The following PRR16 variants were observed in gnomAD, a reference collection of about 807,000 sequenced individuals.
PRR16 encodes the protein proline rich 16.
Under a neutral mutation model 18.2 loss-of-function variants are expected in PRR16, and 6 were observed. The ratio of observed to expected loss-of-function variants is 0.33; its 90% CI spans 0.18 to 0.65. The LOEUF (loss-of-function observed/expected upper bound fraction) is 0.65. PRR16 is among the 30% of genes least tolerant of loss of function. The probability of loss-of-function intolerance (pLI) is 0.74; values close to 1 mark genes in which losing one functional copy is unlikely to be tolerated. For synonymous variants in PRR16, 151 were observed against 147.8 expected (o/e 1.02, Z -0.16); for missense variants, 412 against 376.6 (o/e 1.09, Z -0.78).
chr5:120,693,570 T>A, the PRR16 span, among the ~76,000 whole-genome samples: 1 of 152,250 alleles, frequency 6.6e-6, no homozygotes, highest in Non-Finnish European at 1.5e-5. Flanking sequence ...TTATTCTACT[T>A]CATTCTTTGT....
chr5:120,516,988 T>C (rs1162952307), intron 1 of PRR16, among the ~76,000 whole-genome samples: 1 of 152,174 alleles, frequency 6.6e-6, no homozygotes, highest in Non-Finnish European at 1.5e-5. Flanking sequence ...ATTTCTATTG[T>C]TAGCAAATTC....
the PRR16 span, among the ~76,000 whole-genome samples, chr5:120,754,313 CAT>C: frequency 1.5e-3 from 51 of 33,680 alleles, 1 homozygote; most frequent in East Asian, 3.5e-3. Flanking sequence ...TAATATATAA[CAT>C]ATAAATATTA....
chr5:120,509,889 T>C (rs1273286019), intron 1 of PRR16, among the ~76,000 whole-genome samples: 1 of 152,118 alleles, frequency 6.6e-6, no homozygotes, highest in Non-Finnish European at 1.5e-5. Flanking sequence ...TTGAAGGTCT[T>C]CAAGTTTTTT....
At chr5:120,639,513 A>T (rs1198627132) in intron 1 of PRR16, among the ~76,000 whole-genome samples, 1 of 152,024 alleles carries the variant, frequency 6.6e-6, no homozygotes, top group Non-Finnish European at 1.5e-5. Context: ...GCCTTAAAAT[A>T]CCCTAATGAT....
At chr5:120,474,213 C>T (rs1049553855) in intron 1 of PRR16, among the ~76,000 whole-genome samples, 2 of 152,156 alleles carry the variant, frequency 1.3e-5, no homozygotes, top group African/African-American at 4.8e-5. Flanking sequence ...GCTATACTTT[C>T]ATCTTTTTAC....
At chr5:120,633,497 C>G (rs1256193849) in intron 1 of PRR16, among the ~76,000 whole-genome samples, 1 of 152,072 alleles carries the variant, frequency 6.6e-6, no homozygotes, top group African/African-American at 2.4e-5. Context: ...CACAAGGACT[C>G]ACATAAACTT....
At chr5:120,553,664 A>G (rs551924070) in intron 1 of PRR16, among the ~76,000 whole-genome samples, 18 of 151,996 alleles carry the variant, frequency 1.2e-4, no homozygotes, top group African/African-American at 4.3e-4. Context: ...AATATGTAAT[A>G]TGTTACTAAC....
At chr5:120,751,191 G>T in the PRR16 span, among the ~76,000 whole-genome samples, 3 of 152,030 alleles carry the variant, frequency 2.0e-5, no homozygotes, top group Non-Finnish European at 4.4e-5. Flanking sequence ...TTCATTGATC[G>T]ATGGGCACTT....
At chr5:120,776,337 G>A in the PRR16 span, among the ~76,000 whole-genome samples, 1 of 152,026 alleles carries the variant, frequency 6.6e-6, no homozygotes, top group Admixed American at 6.5e-5. Context: ...TTTCATCTTT[G>A]GTTTTCAAGC....
chr5:120,785,177 T>C, the PRR16 span, among the ~76,000 whole-genome samples: 8,337 of 152,196 alleles, frequency 0.055, 247 homozygotes, highest in South Asian at 0.074. Context: ...GCAGTATTGG[T>C]TATTTTTTTT....
intron 1 of PRR16, among the ~76,000 whole-genome samples, chr5:120,646,058 A>T (rs1006625706): frequency 4.9e-4 from 71 of 143,580 alleles, no homozygotes; most frequent in South Asian, 9.0e-4. Context: ...TTATATATAT[A>T]TATATATATA....
At chr5:120,775,595 A>AAAC in the PRR16 span, among the ~76,000 whole-genome samples, 40,374 of 150,052 alleles carry the variant, frequency 0.27, 5,792 homozygotes, top group Non-Finnish European at 0.32. Context: ...ACATCTTTCT[A>AAAC]AACTATACAT....
At chr5:120,759,343 G>C in the PRR16 span, among the ~76,000 whole-genome samples, 5 of 151,952 alleles carry the variant, frequency 3.3e-5, no homozygotes, top group African/African-American at 1.2e-4. Context: ...AATAATTTTA[G>C]TGCTATATTA....
chr5:120,619,416 A>G (rs1370177057), intron 1 of PRR16, among the ~76,000 whole-genome samples: 1 of 152,188 alleles, frequency 6.6e-6, no homozygotes, highest in Admixed American at 6.6e-5. Flanking sequence ...TAGGGGCTAT[A>G]CATTTTGTTA....
At chr5:120,772,342 G>A in the PRR16 span, among the ~76,000 whole-genome samples, 1 of 151,886 alleles carries the variant, frequency 6.6e-6, no homozygotes, top group Non-Finnish European at 1.5e-5. Flanking sequence ...ACTTTACCAT[G>A]TAATCTCATC....
At chr5:120,639,012 A>G (rs1393496282) in intron 1 of PRR16, among the ~76,000 whole-genome samples, 2 of 152,140 alleles carry the variant, frequency 1.3e-5, no homozygotes, top group Non-Finnish European at 2.9e-5. Flanking sequence ...TGATTTTGTA[A>G]CTATTGGCAA....
At chr5:120,641,730 A>G (rs1416132761) in intron 1 of PRR16, among the ~76,000 whole-genome samples, 1 of 152,110 alleles carries the variant, frequency 6.6e-6, no homozygotes, top group Non-Finnish European at 1.5e-5. Flanking sequence ...CTCTGAAAAA[A>G]TGTTCCAGGG....
At chr5:120,568,161 G>T (rs1042379925) in intron 1 of PRR16, among the ~76,000 whole-genome samples, 1 of 152,154 alleles carries the variant, frequency 6.6e-6, no homozygotes. Flanking sequence ...CCGGAAAAAC[G>T]GACACAGATG....
chr5:120,494,476 A>G (rs766492203), intron 1 of PRR16, among the ~76,000 whole-genome samples: 2 of 151,756 alleles, frequency 1.3e-5, no homozygotes, highest in African/African-American at 2.4e-5. Context: ...TCTTTTTGCT[A>G]TTGAATTTTG....
Sources: gnomAD v4.1 joint callset for allele counts (sites outside exome capture counted in the v4.1 genomes callset) on GRCh38, gnomAD v4.1.1 for gene constraint, MANE v1.5 for transcripts, NCBI Gene and HGNC (gene_info 2026-07-23, HGNC 2026-07-21) for gene names.